Variants in UNC5D observed in about 807,000 individuals in gnomAD.
UNC5D encodes the protein unc-5 netrin receptor D, also known as netrin receptor UNC5D.
In UNC5D, 39 loss-of-function variants were observed where a neutral mutation model predicts 105.4. The ratio of observed to expected loss-of-function variants is 0.37; its 90% CI spans 0.29 to 0.48. UNC5D has a LOEUF of 0.48. Among genes scored for constraint, UNC5D ranks in the 20% least tolerant of loss-of-function variants. The pLI, the probability that UNC5D is intolerant of heterozygous loss-of-function variation, is 0.98. For synonymous variants in UNC5D, 452 were observed against 450.4 expected (o/e 1.00, Z -0.04); for missense variants, 991 against 1,202.4 (o/e 0.82, Z 2.60).
intron 1 of UNC5D, among the ~76,000 whole-genome samples, chr8:35,467,135 G>A (rs1316412875): frequency 4.6e-5 from 7 of 152,154 alleles, no homozygotes; most frequent in Non-Finnish European, 8.8e-5. Context: ...CAGGTTTTGA[G>A]TGTGTAAGTT....
chr8:35,728,370 A>C (rs1829004671), intron 10 of UNC5D, among the ~76,000 whole-genome samples: 1 of 152,124 alleles, frequency 6.6e-6, no homozygotes, highest in Non-Finnish European at 1.5e-5. Context: ...CATCAAAGAA[A>C]GCGAGATGAA....
At chr8:35,722,463 C>A (rs1276825023) in intron 9 of UNC5D, 68 bp downstream of exon 9, 2 of 1,533,450 alleles carry the variant, frequency 1.3e-6, no homozygotes, top group African/African-American at 1.4e-5. Context: ...TAGACCCCAG[C>A]CTTCTCCTGG....
At chr8:35,238,002 C>G (rs551239299) in intron 1 of UNC5D, among the ~76,000 whole-genome samples, 1 of 152,136 alleles carries the variant, frequency 6.6e-6, no homozygotes, top group African/African-American at 2.4e-5. Context: ...CTTGCCTGAC[C>G]ACTAGTCTCA....
At chr8:35,288,190 C>T (rs986493989) in intron 1 of UNC5D, among the ~76,000 whole-genome samples, 1 of 151,990 alleles carries the variant, frequency 6.6e-6, no homozygotes, top group East Asian at 1.9e-4. Context: ...ATAAAGAATA[C>T]AGAAAGTAGC....
chr8:35,439,843 C>T (rs1373699528), intron 1 of UNC5D, among the ~76,000 whole-genome samples: 1 of 151,986 alleles, frequency 6.6e-6, no homozygotes, highest in Non-Finnish European at 1.5e-5. Context: ...AGTTCCTGTG[C>T]TATGTGTCTA....
intron 4 of UNC5D, among the ~76,000 whole-genome samples, chr8:35,640,633 T>A (rs1822649887): frequency 6.6e-6 from 1 of 152,150 alleles, no homozygotes; most frequent in African/African-American, 2.4e-5. Flanking sequence ...GATGACGCAG[T>A]GGAAGATTAA....
Position 35,570,073 on chromosome 8 carries a change from G to A in UNC5D, c.466+1832G>A, listed in dbSNP as rs73674028. On this transcript the variant is annotated intron_variant, in intron 3 of 16. Transcript: ENST00000404895. ...GGGGTTTTGTCCAGGGAAAAACCTT[G>A]TTTTTGCTTACAAAATGTTGCAAAG... Among the ~76,000 whole-genome samples the A allele has an allele frequency of 8.9e-4, 136 of 152,292 alleles. 1 individual carries two copies. The highest frequency in any genetic ancestry group is 2.8e-3 in the African/African-American group (115 of 41,564).
chr8:35,640,756 G>A (rs907652458), intron 4 of UNC5D, among the ~76,000 whole-genome samples: 2 of 152,010 alleles, frequency 1.3e-5, no homozygotes, highest in East Asian at 1.9e-4. Flanking sequence ...TTTTGAATTC[G>A]GATCTATTTA....
At chr8:35,514,538 G>A (rs1812989914) in intron 1 of UNC5D, among the ~76,000 whole-genome samples, 1 of 152,166 alleles carries the variant, frequency 6.6e-6, no homozygotes, top group Admixed American at 6.5e-5. Flanking sequence ...CTAGAAATTA[G>A]GTAACGATAG....
At chr8:35,724,580 G>A (rs1828760356) in intron 9 of UNC5D, among the ~76,000 whole-genome samples, 1 of 152,172 alleles carries the variant, frequency 6.6e-6, no homozygotes, top group Non-Finnish European at 1.5e-5. Context: ...GCTATCATAT[G>A]TACATATGTC....
chr8:35,536,764 G>A (rs1012334717), intron 1 of UNC5D, among the ~76,000 whole-genome samples: 1 of 152,196 alleles, frequency 6.6e-6, no homozygotes, highest in African/African-American at 2.4e-5. Flanking sequence ...TTGGGAGGCT[G>A]AGGTGGGCTG....
intron 15 of UNC5D, among the ~76,000 whole-genome samples, chr8:35,769,355 A>G (rs542442761): frequency 7.2e-5 from 11 of 152,304 alleles, no homozygotes; most frequent in Non-Finnish European, 1.2e-4. Context: ...ATTAGCCTTA[A>G]CTGTGGGCCT....
intron 1 of UNC5D, among the ~76,000 whole-genome samples, chr8:35,334,603 C>T (rs1810880302): frequency 6.6e-6 from 1 of 151,914 alleles, no homozygotes; most frequent in Admixed American, 6.6e-5. Context: ...ACCTCCGTCT[C>T]CCAGATTCAA....
Position 35,684,486 on chromosome 8 carries a change from C to G in UNC5D, c.752-96C>G. ...GCACAGTCTCTCGGTCCCTGGATGC[C>G]TGACTCACAGCACCTGGCACAGTGG... On this transcript the variant is annotated intron_variant, in intron 5 of 16. Coordinates refer to ENST00000404895, the MANE Select transcript of UNC5D (RefSeq NM_080872.4). The G allele has an allele frequency of 3.4e-6, 5 of 1,465,518 alleles. No homozygotes were observed. The South Asian group carries it at 5.7e-5, about 17-fold the overall frequency. The allele number at this position is 1,465,518 out of a possible 1,614,324, so 90.8% of individuals were successfully genotyped here.
At chr8:35,273,774 G>A (rs185444964) in intron 1 of UNC5D, among the ~76,000 whole-genome samples, 55 of 152,162 alleles carry the variant, frequency 3.6e-4, no homozygotes, top group African/African-American at 1.3e-3. Context: ...GCATAAAATC[G>A]GTTGCTTTTC....
chr8:35,244,385 T>C (rs1802966377), intron 1 of UNC5D, among the ~76,000 whole-genome samples: 1 of 152,164 alleles, frequency 6.6e-6, no homozygotes, highest in African/African-American at 2.4e-5. Flanking sequence ...GACAGGGATG[T>C]GGATGTATAA....
chr8:35,503,705 G>T (rs1231181732), intron 1 of UNC5D, among the ~76,000 whole-genome samples: 1 of 152,170 alleles, frequency 6.6e-6, no homozygotes, highest in Non-Finnish European at 1.5e-5. Context: ...CTATGCTGGT[G>T]GCTTCCTTAA....
At chr8:35,432,590 C>T (rs1806716437) in intron 1 of UNC5D, among the ~76,000 whole-genome samples, 1 of 152,138 alleles carries the variant, frequency 6.6e-6, no homozygotes. Flanking sequence ...TTGGGGTTAG[C>T]TCATAATTCT....
chr8:35,271,060 A>G lies in UNC5D; in HGVS notation c.103+35173A>G, dbSNP rs183975481. ...ACATGTCACAGTAATCATAACTGAT[A>G]TTTTAAGAGAGATTAATGAATTCTG... On this transcript the variant is annotated intron_variant, in intron 1 of 16. Coordinates refer to ENST00000404895, the MANE Select transcript of UNC5D (RefSeq NM_080872.4). Among the ~76,000 whole-genome samples, 404 of 151,790 alleles carry G rather than the reference A, an allele frequency of 2.7e-3. 2 individuals carry two copies. The highest frequency in any genetic ancestry group is 9.4e-3 in the African/African-American group (388 of 41,462).
Sources: allele counts gnomAD v4.1 joint callset (sites outside exome capture counted in the v4.1 genomes callset), GRCh38; gene constraint gnomAD v4.1.1; transcripts MANE v1.5; gene names NCBI Gene and HGNC (gene_info 2026-07-23, HGNC 2026-07-21).